The following C1orf21 variants were observed in gnomAD, a reference collection of about 807,000 sequenced individuals.
C1orf21 encodes the protein uncharacterized protein C1orf21.
A neutral mutation model predicts 18.7 loss-of-function variants in C1orf21; 3 were observed. That is an observed-to-expected ratio of 0.16 (90% confidence interval 0.07 to 0.42). The LOEUF is 0.42. Among genes scored for constraint, C1orf21 ranks in the 10% least tolerant of loss-of-function variants. The pLI is 0.99. For synonymous variants in C1orf21, 41 were observed against 46.4 expected (o/e 0.88, Z 0.47); for missense variants, 104 against 143.6 (o/e 0.72, Z 1.41).
chr1:184,593,846 A>G (rs1659478962), intron 4 of C1orf21, among the ~76,000 whole-genome samples: 1 of 152,272 alleles, frequency 6.6e-6, no homozygotes, highest in Admixed American at 6.5e-5. Flanking sequence ...GGGCCCTAGC[A>G]GTCTAATATT....
At chr1:184,474,583 A>C (rs1001027424) in intron 1 of C1orf21, among the ~76,000 whole-genome samples, 1 of 152,214 alleles carries the variant, frequency 6.6e-6, no homozygotes, top group Non-Finnish European at 1.5e-5. Flanking sequence ...CATGGCTTCA[A>C]TTCTTCCCTT....
intron 1 of C1orf21, among the ~76,000 whole-genome samples, chr1:184,454,882 A>T (rs764845959): frequency 6.6e-6 from 1 of 152,116 alleles, no homozygotes; most frequent in Non-Finnish European, 1.5e-5. Flanking sequence ...ATAGATATAT[A>T]TATAATAGAG....
intron 1 of C1orf21, among the ~76,000 whole-genome samples, chr1:184,447,280 CTTTGTCTGCATATGCAAATGTGCA>C (rs1657049386): frequency 6.6e-6 from 1 of 152,166 alleles, no homozygotes; most frequent in South Asian, 2.1e-4. Context: ...ATATATAGCG[CTTTGTCTGCATATGCAAATGTGCA>C]TTTTTTAGTT....
At chr1:184,583,838 G>T (rs562608042) in intron 3 of C1orf21, among the ~76,000 whole-genome samples, 1 of 152,134 alleles carries the variant, frequency 6.6e-6, no homozygotes, top group African/African-American at 2.4e-5. Context: ...TATCTTAGTC[G>T]CAGTTGGTCT....
intron 5 of C1orf21, among the ~76,000 whole-genome samples, chr1:184,605,360 A>C (rs1659634787): frequency 6.6e-6 from 1 of 152,200 alleles, no homozygotes; most frequent in Non-Finnish European, 1.5e-5. Context: ...CCCTAAGGAT[A>C]AGAATTGGGT....
chr1:184,464,384 C>T (rs1657355924), intron 1 of C1orf21, among the ~76,000 whole-genome samples: 1 of 152,180 alleles, frequency 6.6e-6, no homozygotes, highest in Non-Finnish European at 1.5e-5. Flanking sequence ...GGAAGAACAG[C>T]TTACCTAGAC....
intron 3 of C1orf21, among the ~76,000 whole-genome samples, chr1:184,581,415 G>T (rs1443767334): frequency 6.7e-6 from 1 of 149,340 alleles, no homozygotes; most frequent in Non-Finnish European, 1.5e-5. Flanking sequence ...GAGTGACAGA[G>T]GGAGACCCTG....
rs1196879416 is a variant in C1orf21, at chr1:184,420,240, A to C, written c.-125+32872A>C. Among the ~76,000 whole-genome samples, 3 of 151,616 alleles carry C rather than the reference A, an allele frequency of 2.0e-5. No individual in the cohort carries two copies. In the East Asian group the frequency reaches 5.8e-4, roughly 29 times the overall value. ...CTGGTCTCATTTTTTTTTAACTAAC[A>C]GTGTGTCTTTGGGGTATGAAAACTG... is the stretch of plus-strand genomic sequence containing the variant. On this transcript the variant is annotated intron_variant, in intron 1 of 5. Coordinates refer to ENST00000235307, the MANE Select transcript of C1orf21 (RefSeq NM_030806.4).
intron 3 of C1orf21, among the ~76,000 whole-genome samples, chr1:184,513,003 T>C (rs1234132811): frequency 6.6e-6 from 1 of 152,308 alleles, no homozygotes; most frequent in East Asian, 1.9e-4. Flanking sequence ...ACTGTGCAAG[T>C]GAGGGATCTA....
intron 3 of C1orf21, among the ~76,000 whole-genome samples, chr1:184,534,466 T>C (rs1026962716): frequency 6.6e-6 from 1 of 152,220 alleles, no homozygotes; most frequent in African/African-American, 2.4e-5. Flanking sequence ...ACAGGGCTTT[T>C]CTGCACCATA....
At chr1:184,521,010 C>T (rs1379215523) in intron 3 of C1orf21, among the ~76,000 whole-genome samples, 3 of 152,168 alleles carry the variant, frequency 2.0e-5, no homozygotes, top group African/African-American at 7.2e-5. Flanking sequence ...TCTCCTGCCT[C>T]AGCCTCCCGA....
chr1:184,481,119 T>C (rs915899666), intron 2 of C1orf21, among the ~76,000 whole-genome samples: 15 of 151,546 alleles, frequency 9.9e-5, no homozygotes, highest in African/African-American at 3.6e-4. Context: ...AAGAGCTAGG[T>C]AGGAAATGGG....
At chr1:184,567,088 G>A (rs1366044922) in intron 3 of C1orf21, 1 of 486,454 alleles carries the variant, frequency 2.1e-6, no homozygotes, top group African/African-American at 2.0e-5. Flanking sequence ...AAGACAGTCA[G>A]GTGGCACAGT....
At chr1:184,587,527 TG>T (rs1178633605) in intron 3 of C1orf21, among the ~76,000 whole-genome samples, 3 of 11,168 alleles carry the variant, frequency 2.7e-4, no homozygotes, top group African/African-American at 7.3e-3. Context: ...CTAGGAATTG[TG>T]TGTGTGTGTG....
chr1:184,484,345 G>A (rs1408522886), intron 2 of C1orf21, among the ~76,000 whole-genome samples: 8 of 152,100 alleles, frequency 5.3e-5, no homozygotes, highest in African/African-American at 7.2e-5. Context: ...GCACGGGCCC[G>A]TTTTCTCGAC....
At chr1:184,395,944 A>AT (rs766816857) in intron 1 of C1orf21, among the ~76,000 whole-genome samples, 2 of 151,964 alleles carry the variant, frequency 1.3e-5, no homozygotes, top group Non-Finnish European at 2.9e-5. Flanking sequence ...CTAACTTTGA[A>AT]TTTTTTTTAT....
At chr1:184,444,282 C>T (rs1379744903) in intron 1 of C1orf21, among the ~76,000 whole-genome samples, 2 of 152,200 alleles carry the variant, frequency 1.3e-5, no homozygotes, top group East Asian at 1.9e-4. Flanking sequence ...ACCCAAATCT[C>T]ATTTTGAATT....
chr1:184,418,882 C>T, intron 1 of C1orf21, among the ~76,000 whole-genome samples: 1 of 152,088 alleles, frequency 6.6e-6, no homozygotes, highest in East Asian at 1.9e-4. Flanking sequence ...GTTGGTTTGG[C>T]TATCACAATG....
At chr1:184,592,597 C>T (rs566765306) in intron 4 of C1orf21, among the ~76,000 whole-genome samples, 60 of 152,194 alleles carry the variant, frequency 3.9e-4, no homozygotes, top group African/African-American at 1.3e-3. Flanking sequence ...CTGAGAGTAC[C>T]GATGACACTG....
Sources: allele counts gnomAD v4.1 joint callset (sites outside exome capture counted in the v4.1 genomes callset), GRCh38; gene constraint gnomAD v4.1.1; transcripts MANE v1.5; gene names NCBI Gene and HGNC (gene_info 2026-07-23, HGNC 2026-07-21).